The following SIPA1L2 variants were observed in gnomAD, a reference collection of about 807,000 sequenced individuals.
SIPA1L2 encodes the protein signal induced proliferation associated 1 like 2.
A neutral mutation model predicts 163.9 loss-of-function variants in SIPA1L2; 56 were observed. That is an observed-to-expected ratio of 0.34 (90% CI 0.28 to 0.43). SIPA1L2 has a LOEUF of 0.43. Ranked by LOEUF, SIPA1L2 falls within the 20% of genes least tolerant of loss-of-function variation. The pLI is 1.00. For synonymous variants in SIPA1L2, 877 were observed against 865.7 expected, an observed-to-expected ratio of 1.01 and a Z score of -0.23; for missense variants, 1,974 against 2,193.5, an observed-to-expected ratio of 0.90 and a Z score of 2.00.
rs1453799027 is a variant in SIPA1L2, at chr1:232,486,036, T to C, written c.1807-2070A>G. Among the ~76,000 whole-genome samples the C allele has an allele frequency of 2.6e-5, 4 of 152,282 alleles. No homozygotes were observed. In the South Asian group the frequency reaches 6.2e-4, roughly 24 times the overall value. On this transcript the variant is annotated intron_variant, in intron 5 of 22. Transcript: ENST00000674635. ...ATTGCCAGTGCCATGTGCCACATCA[T>C]CTGAAGGCCATCTTTGTCTCCATTG...
intron 1 of SIPA1L2, among the ~76,000 whole-genome samples, chr1:232,585,633 T>C (rs1660616561): frequency 6.6e-6 from 1 of 152,098 alleles, no homozygotes; most frequent in Non-Finnish European, 1.5e-5. Context: ...AAGGGTAAAG[T>C]AGAACAATGA....
chr1:232,608,586 T>C (rs750668173), intron 1 of SIPA1L2, among the ~76,000 whole-genome samples: 62 of 152,324 alleles, frequency 4.1e-4, no homozygotes, highest in Non-Finnish European at 7.6e-4. Context: ...ATGGTCCTCC[T>C]CTCTCATTAA....
At chr1:232,492,707 T>G (rs1410891121) in intron 4 of SIPA1L2, among the ~76,000 whole-genome samples, 1 of 152,184 alleles carries the variant, frequency 6.6e-6, no homozygotes, top group African/African-American at 2.4e-5. Context: ...CCTCTTCGTT[T>G]TGGCCAATTT....
chr1:232,594,968 T>C (rs1661177198), intron 1 of SIPA1L2, among the ~76,000 whole-genome samples: 4 of 152,070 alleles, frequency 2.6e-5, no homozygotes, highest in Admixed American at 2.6e-4. Context: ...CAGGCATCTG[T>C]TTTTGTTGTT....
At chr1:232,449,320 C>A (rs763200295) in intron 10 of SIPA1L2, among the ~76,000 whole-genome samples, 4 of 151,554 alleles carry the variant, frequency 2.6e-5, no homozygotes, top group Admixed American at 6.6e-5. Flanking sequence ...AGATTGAGAC[C>A]ATCCTGGCTA....
chr1:232,500,780 G>T (rs1238861410), intron 3 of SIPA1L2, among the ~76,000 whole-genome samples: 2 of 152,174 alleles, frequency 1.3e-5, no homozygotes, highest in Non-Finnish European at 2.9e-5. Flanking sequence ...ATTCAACAGT[G>T]GCAGAGTTTC....
chr1:232,403,338 G>T, intron 21 of SIPA1L2, 110 bp downstream of exon 21: 1 of 1,362,818 alleles, frequency 7.3e-7, no homozygotes, highest in Non-Finnish European at 1.0e-6. Context: ...ACTGGGAAAG[G>T]GCATGGTGCA....
intron 2 of SIPA1L2, among the ~76,000 whole-genome samples, chr1:232,519,914 ACAT>A (rs926823090): frequency 1.3e-5 from 2 of 152,172 alleles, no homozygotes; most frequent in African/African-American, 4.8e-5. Context: ...GGAAAAACAA[ACAT>A]CAAGGAAAAT....
In SIPA1L2 at chr1:232,563,960, T is replaced by TC. The variant is rs1290731095; in HGVS notation, c.-270+10213_-270+10214insG. ...CAAAGGTTTGTTTTTTTTTTTCGTG[T>TC]GTGTGTGTGTGTGTGTGTGTGTGTG... On this transcript the variant is annotated intron_variant, in intron 2 of 22. Transcript: ENST00000674635. Among the ~76,000 whole-genome samples the TC allele has an allele frequency of 2.1e-3, 222 of 103,358 alleles. 1 individual carries two copies. Among genetic ancestry groups the TC allele is most frequent in the African/African-American group, 0.012 (206 of 16,672 alleles). The allele number at this position is 103,358 out of a possible 152,430, so 67.8% of individuals were successfully genotyped here.
At chr1:232,600,246 T>C (rs1263549342) in intron 1 of SIPA1L2, among the ~76,000 whole-genome samples, 4 of 152,178 alleles carry the variant, frequency 2.6e-5, no homozygotes, top group Non-Finnish European at 4.4e-5. Context: ...AAAAAAAAAT[T>C]CTTTTTCATT....
chr1:232,429,936 C>A (rs1009324316), intron 16 of SIPA1L2, among the ~76,000 whole-genome samples: 1 of 152,158 alleles, frequency 6.6e-6, no homozygotes, highest in Non-Finnish European at 1.5e-5. Flanking sequence ...ATTACGATTA[C>A]AATGTGCTGT....
rs1573107750 is a variant in SIPA1L2 at position 232,574,234 on chromosome 1, G to C, written c.-318-12C>G. Among the ~76,000 whole-genome samples the C allele has an allele frequency of 6.6e-6, 1 of 152,200 alleles. No individual in the cohort carries two copies. Among genetic ancestry groups the C allele is most frequent in the East Asian group, 1.9e-4 (1 of 5,196 alleles). On this transcript the variant is annotated splice_polypyrimidine_tract_variant and intron_variant, in intron 1 of 22. Transcript: ENST00000674635. ...AGCCTGGCAAGAACCTACAAATGAA[G>C]AAAGAGACCCATTCAGACTCCCAGA...
chr1:232,470,835 A>G (rs1433017567), intron 8 of SIPA1L2, among the ~76,000 whole-genome samples: 1 of 152,182 alleles, frequency 6.6e-6, no homozygotes, highest in African/African-American at 2.4e-5. Context: ...ACCCCACATG[A>G]TATGATCATT....
intron 1 of SIPA1L2, among the ~76,000 whole-genome samples, chr1:232,609,468 T>C (rs1042296863): frequency 2.0e-5 from 3 of 152,138 alleles, no homozygotes; most frequent in Non-Finnish European, 4.4e-5. Flanking sequence ...AGAGAAACCA[T>C]TGAGATACAC....
intron 1 of SIPA1L2, among the ~76,000 whole-genome samples, chr1:232,621,457 A>G (rs750023780): frequency 1.3e-5 from 2 of 152,208 alleles, no homozygotes; most frequent in Non-Finnish European, 2.9e-5. Flanking sequence ...GCTGTAGAAT[A>G]AAGAACACTA....
intron 2 of SIPA1L2, among the ~76,000 whole-genome samples, chr1:232,563,947 T>G (rs1188283169): frequency 7.0e-6 from 1 of 142,542 alleles, no homozygotes; most frequent in Non-Finnish European, 1.5e-5. Flanking sequence ...AAGGTTTGTT[T>G]TTTTTTTTCG....
intron 3 of SIPA1L2, among the ~76,000 whole-genome samples, chr1:232,503,782 C>G (rs1425710908): frequency 6.6e-6 from 1 of 152,214 alleles, no homozygotes; most frequent in Admixed American, 6.5e-5. Flanking sequence ...CAATTCCTAT[C>G]TATGATGTAT....
Position 232,436,914 on chromosome 1 carries a change from G to A in SIPA1L2, c.4031+2194C>T, listed in dbSNP as rs531855364. Among the ~76,000 whole-genome samples the A allele has an allele frequency of 6.9e-4, 105 of 152,286 alleles. No homozygotes were observed. The Middle Eastern group carries it at 0.014, about 20-fold the overall frequency. On this transcript the variant is annotated intron_variant, in intron 15 of 22. Coordinates refer to ENST00000674635, the MANE Select transcript of SIPA1L2 (RefSeq NM_020808.5). ...AAGCCACCATCAACGAAGAATTACA[G>A]GAAAAGGGCAGTCAAGTGGTAAAAG...
intron 10 of SIPA1L2, among the ~76,000 whole-genome samples, chr1:232,447,325 GCT>G (rs1245115874): frequency 2.6e-5 from 4 of 152,320 alleles, no homozygotes; most frequent in Admixed American, 2.6e-4. Context: ...GCCTGCCACA[GCT>G]CTCTGCATGT....
Sources: gnomAD v4.1 joint callset for allele counts (sites outside exome capture counted in the v4.1 genomes callset) on GRCh38, gnomAD v4.1.1 for gene constraint, MANE v1.5 for transcripts, NCBI Gene and HGNC (gene_info 2026-07-23, HGNC 2026-07-21) for gene names.